PRKG1: variants seen among roughly 807,000 people sequenced by gnomAD.
PRKG1 encodes cGMP-dependent protein kinase 1.
Under a neutral mutation model 88.1 loss-of-function variants are expected in PRKG1, and 35 were observed. That is an observed-to-expected ratio of 0.40 (90% CI 0.30 to 0.53). PRKG1 has a LOEUF of 0.53. Among genes scored for constraint, PRKG1 ranks in the 20% least tolerant of loss-of-function variants. The pLI is 0.59. For synonymous variants in PRKG1, 303 were observed against 292.5 expected, an observed-to-expected ratio of 1.04 and a Z score of -0.37; for missense variants, 540 against 839.8, an observed-to-expected ratio of 0.64 and a Z score of 4.41.
At chr10:51,169,138 T>C (rs1430227877) in intron 2 of PRKG1, among the ~76,000 whole-genome samples, 4 of 152,194 alleles carry the variant, frequency 2.6e-5, no homozygotes, top group Admixed American at 2.6e-4. Flanking sequence ...CTGTGCTTAT[T>C]TTTCACTTAA....
intron 5 of PRKG1, among the ~76,000 whole-genome samples, chr10:51,976,801 A>G (rs544385821): frequency 1.3e-5 from 2 of 152,102 alleles, no homozygotes; most frequent in East Asian, 3.9e-4. Context: ...CAGTTATTTG[A>G]TAGACAACTC....
chr10:52,262,671 A>C (rs1411216248), intron 10 of PRKG1, among the ~76,000 whole-genome samples: 1 of 152,080 alleles, frequency 6.6e-6, no homozygotes, highest in South Asian at 2.1e-4. Context: ...TAACCTTCCA[A>C]TCCCCAGCAT....
At chr10:52,261,618 G>A (rs1841435002) in intron 10 of PRKG1, among the ~76,000 whole-genome samples, 1 of 152,020 alleles carries the variant, frequency 6.6e-6, no homozygotes, top group Non-Finnish European at 1.5e-5. Context: ...CTCAGGCTGT[G>A]ACGAGTTCCT....
chr10:52,093,914 C>T (rs971915178), intron 7 of PRKG1, among the ~76,000 whole-genome samples: 4 of 152,040 alleles, frequency 2.6e-5, no homozygotes, highest in East Asian at 3.8e-4. Flanking sequence ...ATGCACACAG[C>T]GGAGGAGCTT....
intron 1 of PRKG1, among the ~76,000 whole-genome samples, chr10:51,029,508 G>A (rs1843252648): frequency 6.6e-6 from 1 of 152,114 alleles, no homozygotes; most frequent in African/African-American, 2.4e-5. Context: ...AATGTCAGAA[G>A]TCATAAAACT....
chr10:51,665,405 A>G (rs1840398849), intron 3 of PRKG1, among the ~76,000 whole-genome samples: 1 of 152,238 alleles, frequency 6.6e-6, no homozygotes, highest in East Asian at 1.9e-4. Flanking sequence ...TTGCCATTGT[A>G]CTGATTATAT....
intron 2 of PRKG1, among the ~76,000 whole-genome samples, chr10:51,266,498 CTCTT>C (rs967680272): frequency 1.1e-4 from 17 of 152,286 alleles, no homozygotes; most frequent in African/African-American, 4.1e-4. Context: ...CTTTAGCAGA[CTCTT>C]TCTTCCTGAG....
At chr10:51,019,145 C>T (rs892251481) in intron 1 of PRKG1, among the ~76,000 whole-genome samples, 7 of 152,050 alleles carry the variant, frequency 4.6e-5, no homozygotes, top group Admixed American at 1.3e-4. Flanking sequence ...TACCTCTAAA[C>T]GGTCTGCTTT....
intron 5 of PRKG1, among the ~76,000 whole-genome samples, chr10:51,914,922 A>T (rs1425039537): frequency 6.6e-6 from 1 of 152,198 alleles, no homozygotes; most frequent in African/African-American, 2.4e-5. Context: ...AAGACAAAAA[A>T]ATAGGCAAAG....
At chr10:51,566,884 G>C (rs1837619213) in intron 3 of PRKG1, among the ~76,000 whole-genome samples, 1 of 150,886 alleles carries the variant, frequency 6.6e-6, no homozygotes, top group Non-Finnish European at 1.5e-5. Flanking sequence ...AAAAAATACA[G>C]TAGATCTTAA....
At chr10:51,888,927 A>T (rs1156663870) in intron 4 of PRKG1, among the ~76,000 whole-genome samples, 5 of 152,186 alleles carry the variant, frequency 3.3e-5, no homozygotes, top group African/African-American at 1.2e-4. Context: ...AACTTATTTA[A>T]TGTCACATAG....
chr10:51,765,960 T>C (rs1326985382), intron 3 of PRKG1, among the ~76,000 whole-genome samples: 1 of 152,102 alleles, frequency 6.6e-6, no homozygotes, highest in Non-Finnish European at 1.5e-5. Flanking sequence ...GCCACCCAGT[T>C]TGGCTCCCCA....
upstream of PRKG1, among the ~76,000 whole-genome samples, chr10:51,070,235 A>C (rs1427449164): frequency 6.6e-6 from 1 of 152,126 alleles, no homozygotes; most frequent in African/African-American, 2.4e-5. Flanking sequence ...CTCTAATATT[A>C]ATAGAATATT....
intron 1 of PRKG1, among the ~76,000 whole-genome samples, chr10:51,078,990 G>T (rs973607177): frequency 1.3e-5 from 2 of 152,070 alleles, no homozygotes; most frequent in African/African-American, 4.8e-5. Flanking sequence ...TATATCTCAA[G>T]AAAAACAAAA....
chr10:51,165,722 C>CA (rs1554842223), intron 2 of PRKG1, among the ~76,000 whole-genome samples: 1 of 151,002 alleles, frequency 6.6e-6, no homozygotes, highest in Non-Finnish European at 1.5e-5. Context: ...AAATGGAAAA[C>CA]AAAAAAAAGG....
At chr10:51,192,519 A>G (rs1285121785) in intron 2 of PRKG1, among the ~76,000 whole-genome samples, 2 of 151,964 alleles carry the variant, frequency 1.3e-5, no homozygotes, top group African/African-American at 4.8e-5. Context: ...TATTCTTCAG[A>G]CTTATTTAAT....
At chr10:52,037,265 C>A (rs993894537) in intron 5 of PRKG1, among the ~76,000 whole-genome samples, 1 of 152,126 alleles carries the variant, frequency 6.6e-6, no homozygotes, top group African/African-American at 2.4e-5. Context: ...GGAGCCTGGC[C>A]GCTGCGGTTC....
chr10:51,607,160 A>T (rs1393798841), intron 3 of PRKG1, among the ~76,000 whole-genome samples: 2 of 152,214 alleles, frequency 1.3e-5, no homozygotes, highest in Admixed American at 6.5e-5. Flanking sequence ...GTAGACTCTC[A>T]CTGAGAGGCT....
At chr10:51,896,022 G>A (rs1185893151) in intron 4 of PRKG1, among the ~76,000 whole-genome samples, 1 of 151,992 alleles carries the variant, frequency 6.6e-6, no homozygotes, top group Non-Finnish European at 1.5e-5. Flanking sequence ...CCCACCTTTT[G>A]GACATGACAC....
Sources: gnomAD v4.1 joint callset for allele counts (sites outside exome capture counted in the v4.1 genomes callset) on GRCh38, gnomAD v4.1.1 for gene constraint, MANE v1.5 for transcripts, NCBI Gene and HGNC (gene_info 2026-07-23, HGNC 2026-07-21) for gene names.